The following WDTC1 variants were observed in gnomAD, a reference collection of about 807,000 sequenced individuals.
The protein encoded by WDTC1 is WD and tetratricopeptide repeats protein 1.
Under a neutral mutation model 76.0 loss-of-function variants are expected in WDTC1, and 12 were observed. The observed-to-expected ratio is 0.16, with a 90% confidence interval of 0.10 to 0.26. WDTC1 has a LOEUF of 0.26. WDTC1 is among the 10% of genes least tolerant of loss of function. WDTC1 has a pLI of 1.00. For synonymous variants in WDTC1, 326 were observed against 350.8 expected (o/e 0.93, Z 0.79); for missense variants, 511 against 908.8 (o/e 0.56, Z 5.63).
chr1:27,296,881 G>A (rs1237872290), intron 10 of WDTC1, among the ~76,000 whole-genome samples, 167 bp from the exon 11 acceptor site: 88 of 142,238 alleles, frequency 6.2e-4, no homozygotes, highest in Non-Finnish European at 9.1e-5. Context: ...GAGGGCGCAC[G>A]GGCTTTTCTT....
chr1:27,257,998 C>T (rs1276143571), intron 1 of WDTC1, among the ~76,000 whole-genome samples: 1 of 151,940 alleles, frequency 6.6e-6, no homozygotes, highest in Non-Finnish European at 1.5e-5. Context: ...ACCATATTGG[C>T]CAGGCTGGTC....
intron 6 of WDTC1, among the ~76,000 whole-genome samples, chr1:27,288,327 T>C (rs913754430): frequency 4.0e-5 from 6 of 151,876 alleles, no homozygotes; most frequent in Non-Finnish European, 7.4e-5. Context: ...CCTGTAGTTA[T>C]TTTTATTAAT....
chr1:27,268,653 G>T (rs375538595), intron 3 of WDTC1, among the ~76,000 whole-genome samples: 2 of 151,318 alleles, frequency 1.3e-5, no homozygotes, highest in Non-Finnish European at 2.9e-5. Context: ...TCCTGACCTC[G>T]TGATTCACCC....
chr1:27,256,941 A>T, intron 1 of WDTC1, among the ~76,000 whole-genome samples: 1 of 152,176 alleles, frequency 6.6e-6, no homozygotes, highest in East Asian at 1.9e-4. Flanking sequence ...GTCTCACTGC[A>T]AGCTCCGTCT....
rs972934355 is a variant in WDTC1, at chr1:27,301,095, C to T, written c.1233-131C>T. On this transcript the variant is annotated intron_variant, in intron 12 of 15. Transcript: ENST00000319394. The surrounding 1 kb of genome is among the most constrained non-coding windows in gnomAD (Gnocchi z 5.8). ...TGGGCTGAGCCAGGATTCTCTTCGT[C>T]CTCAAGTCCCCTTGCCATGAGATCT... The T allele has an allele frequency of 1.3e-6, 1 of 756,684 alleles. No individual in the cohort carries two copies. Among genetic ancestry groups the T allele is most frequent in the Middle Eastern group, 3.7e-4 (1 of 2,732 alleles). 46.9% of individuals were successfully genotyped at this position (756,684 alleles called of 1,614,324 possible). A position where few individuals can be genotyped will look rare whatever the true frequency, so the allele number is the denominator to read the frequency against.
At chr1:27,261,420 C>T (rs531479709) in intron 2 of WDTC1, among the ~76,000 whole-genome samples, 2 of 152,114 alleles carry the variant, frequency 1.3e-5, no homozygotes. Flanking sequence ...TGCACAAGAG[C>T]AAATATAACT....
intron 5 of WDTC1, among the ~76,000 whole-genome samples, chr1:27,286,790 G>A (rs765324421): frequency 9.9e-5 from 15 of 151,840 alleles, no homozygotes; most frequent in Non-Finnish European, 1.6e-4. Context: ...TGGAAGTTTT[G>A]AGTCAAAAAC....
At chr1:27,253,408 CCCT>C (rs1326374537) in intron 1 of WDTC1, among the ~76,000 whole-genome samples, 10 of 95,712 alleles carry the variant, frequency 1.0e-4, no homozygotes, top group African/African-American at 4.6e-4. Flanking sequence ...CCTCCCCCTC[CCCT>C]CCTCCTCCTC....
chr1:27,296,693 C>G (rs1370931107), intron 10 of WDTC1, among the ~76,000 whole-genome samples: 1 of 151,890 alleles, frequency 6.6e-6, no homozygotes, highest in African/African-American at 2.4e-5. Flanking sequence ...CTGGCCCAGT[C>G]TTCTCATTGA....
intron 1 of WDTC1, among the ~76,000 whole-genome samples, chr1:27,242,264 A>G (rs986854793): frequency 6.6e-6 from 1 of 152,074 alleles, no homozygotes; most frequent in Admixed American, 6.6e-5. Context: ...CTGGACTTCA[A>G]GAACAGCCTG....
chr1:27,241,888 C>G (rs1557474280), intron 1 of WDTC1, among the ~76,000 whole-genome samples: 1 of 150,328 alleles, frequency 6.7e-6, no homozygotes, highest in Non-Finnish European at 1.5e-5. Context: ...ATGTCTCACA[C>G]TGTTTTTTTT....
At chr1:27,255,347 G>A (rs2012240576) in intron 1 of WDTC1, 1 of 152,106 alleles carries the variant, frequency 6.6e-6, no homozygotes, top group Non-Finnish European at 1.5e-5. Flanking sequence ...TTGAGTTCCT[G>A]TTCCATCTCC....
chr1:27,305,318 C>T lies in WDTC1; in HGVS notation c.1836+125C>T. 1 of 1,229,536 alleles carries T rather than the reference C, an allele frequency of 8.1e-7. No homozygotes were observed. Among genetic ancestry groups the T allele is most frequent in the African/African-American group, 1.5e-5 (1 of 65,492 alleles). 76.2% of individuals were successfully genotyped at this position (1,229,536 alleles called of 1,614,324 possible). ...TAGAAGCTGCTAAGTAAGCCTTACC[C>T]CGGGGCCCAAGGCTGTGTTCTCAGA... is the stretch of plus-strand genomic sequence containing the variant. On this transcript the variant is annotated intron_variant, in intron 15 of 15. Coordinates refer to ENST00000319394, the MANE Select transcript of WDTC1 (RefSeq NM_001276252.2). The surrounding 1 kb of genome is among the most constrained non-coding windows in gnomAD (Gnocchi z 4.6).
At chr1:27,276,060 T>C (rs1216698502) in intron 3 of WDTC1, among the ~76,000 whole-genome samples, 1 of 152,248 alleles carries the variant, frequency 6.6e-6, no homozygotes, top group East Asian at 1.9e-4. Context: ...TCTGTACTTC[T>C]CTTTTTTGCG....
At chr1:27,282,453 C>T (rs1188303745) in intron 4 of WDTC1, among the ~76,000 whole-genome samples, 168 bp downstream of exon 4, 1 of 152,150 alleles carries the variant, frequency 6.6e-6, no homozygotes, top group Non-Finnish European at 1.5e-5. Flanking sequence ...CACAATTAAA[C>T]AATCTCAGAT....
chr1:27,304,125 G>A (rs942075614), intron 14 of WDTC1: 3 of 297,498 alleles, frequency 1.0e-5, no homozygotes, highest in Non-Finnish European at 1.9e-5. Context: ...TGCATTCAAG[G>A]AACCTCCCTC....
Position 27,275,626 on chromosome 1 carries a change from A to T in WDTC1, c.133-6613A>T, listed in dbSNP as rs147589765. ...GAGTGAGACTCTGTCTCAAAAAAAA[A>T]AAAAAAATAAAGAAAAAGATGGAGC... On this transcript the variant is annotated intron_variant, in intron 3 of 15. Transcript: ENST00000319394. Among the ~76,000 whole-genome samples, 252 of 152,036 alleles carry T rather than the reference A, an allele frequency of 1.7e-3. 2 individuals carry two copies. The highest frequency in any genetic ancestry group is 5.9e-3 in the African/African-American group (245 of 41,454).
At chr1:27,258,111 T>G (rs1010842105) in intron 1 of WDTC1, among the ~76,000 whole-genome samples, 1 of 151,344 alleles carries the variant, frequency 6.6e-6, no homozygotes, top group Non-Finnish European at 1.5e-5. Flanking sequence ...AAAGAGCTTA[T>G]GGTCCTGCCA....
At chr1:27,277,140 C>T (rs1045561643) in intron 3 of WDTC1, among the ~76,000 whole-genome samples, 1 of 152,038 alleles carries the variant, frequency 6.6e-6, no homozygotes, top group Admixed American at 6.6e-5. Flanking sequence ...TCAAGCAATC[C>T]TCCCATCTCA....
Sources: allele counts gnomAD v4.1 joint callset (sites outside exome capture counted in the v4.1 genomes callset), GRCh38; gene constraint gnomAD v4.1.1; non-coding constraint Gnocchi (gnomAD v3.1); transcripts MANE v1.5; gene names NCBI Gene and HGNC (gene_info 2026-07-23, HGNC 2026-07-21).